The following FRMPD4 variants were observed in gnomAD, a reference collection of about 807,000 sequenced individuals.
FRMPD4 encodes FERM and PDZ domain containing 4, also known as FERM and PDZ domain-containing protein 4.
FRMPD4 carries 22 observed loss-of-function variants against 94.1 expected under a neutral mutation model. That is an observed-to-expected ratio of 0.23 (90% CI 0.17 to 0.33). The LOEUF (loss-of-function observed/expected upper bound fraction) is 0.33, where lower values mean the gene tolerates loss of function less well. FRMPD4 is among the 10% of genes least tolerant of loss of function. The pLI is 1.00. For synonymous variants in FRMPD4, 631 were observed against 548.6 expected (o/e 1.15, Z -2.10); for missense variants, 1,111 against 1,339.9 (o/e 0.83, Z 2.67).
chrX:12,148,673 G>A (rs1280931789), intron 1 of FRMPD4, among the ~76,000 whole-genome samples: 1 of 112,538 alleles, frequency 8.9e-6, no homozygotes, highest in Non-Finnish European at 1.9e-5. Flanking sequence ...TGCCATCTAG[G>A]ACTTTCATAG....
At chrX:12,540,459 A>G (rs776384670) in intron 2 of FRMPD4, among the ~76,000 whole-genome samples, 4 of 111,896 alleles carry the variant, frequency 3.6e-5, no homozygotes, top group Non-Finnish European at 3.8e-5. Flanking sequence ...GATAAAACAG[A>G]CTTTAAATCA....
intron 1 of FRMPD4, among the ~76,000 whole-genome samples, chrX:12,420,064 C>T (rs1038464203): frequency 6.3e-5 from 7 of 111,714 alleles, no homozygotes; most frequent in African/African-American, 2.3e-4. Flanking sequence ...CTGCCTATTC[C>T]ACCAGCACCT....
chrX:12,219,386 A>G (rs755056496), intron 1 of FRMPD4, among the ~76,000 whole-genome samples: 1 of 111,599 alleles, frequency 9.0e-6, no homozygotes, highest in Admixed American at 9.5e-5. Flanking sequence ...CAAAGAAAAG[A>G]TTATATAAAA....
At chrX:12,376,379 C>G (rs1250497849) in intron 1 of FRMPD4, among the ~76,000 whole-genome samples, 1 of 112,410 alleles carries the variant, frequency 8.9e-6, no homozygotes, top group Non-Finnish European at 1.9e-5. Flanking sequence ...GCATCTGTTT[C>G]TCCTTCCCTA....
intron 2 of FRMPD4, among the ~76,000 whole-genome samples, chrX:12,606,807 CCT>C (rs1321200670): frequency 9.0e-6 from 1 of 111,321 alleles, no homozygotes; most frequent in African/African-American, 3.3e-5. Context: ...CTTTCTGTCC[CCT>C]CTTTCATCTG....
intron 1 of FRMPD4, among the ~76,000 whole-genome samples, chrX:12,325,317 A>T (rs2055269420): frequency 8.9e-6 from 1 of 112,674 alleles, no homozygotes; most frequent in African/African-American, 3.2e-5. Flanking sequence ...CATTGAAGGG[A>T]ATGCTGACAA....
At chrX:12,115,005 C>T (rs1376665292) in intron 3 of FRMPD4, among the ~76,000 whole-genome samples, 7 of 111,790 alleles carry the variant, frequency 6.3e-5, no homozygotes, top group Admixed American at 1.9e-4. Context: ...ATCAGCAATA[C>T]AGCTAAAGCC....
At chrX:12,404,434 G>A (rs1429363794) in intron 1 of FRMPD4, among the ~76,000 whole-genome samples, 1 of 112,242 alleles carries the variant, frequency 8.9e-6, no homozygotes, top group African/African-American at 3.2e-5. Context: ...GTCATGTCTT[G>A]TAGAATATCT....
At chrX:12,067,162 G>A (rs750064081) in intron 3 of FRMPD4, among the ~76,000 whole-genome samples, 1 of 109,124 alleles carries the variant, frequency 9.2e-6, no homozygotes, top group Admixed American at 9.7e-5. Flanking sequence ...GAGCCACCAA[G>A]CCTGGCTAGC....
intron 3 of FRMPD4, among the ~76,000 whole-genome samples, chrX:12,056,927 T>G (rs2054857708): frequency 8.9e-6 from 1 of 112,185 alleles, no homozygotes; most frequent in Non-Finnish European, 1.9e-5. Context: ...TTACAAAATA[T>G]AGTCTGCTTT....
intron 3 of FRMPD4, among the ~76,000 whole-genome samples, chrX:11,980,858 GT>G (rs1260899682): frequency 2.1e-4 from 23 of 107,761 alleles, no homozygotes; most frequent in African/African-American, 3.0e-4. Flanking sequence ...TCCAGACATG[GT>G]TTTTTTTTTC....
intron 1 of FRMPD4, among the ~76,000 whole-genome samples, chrX:12,228,837 C>T (rs1362099354): frequency 9.0e-6 from 1 of 111,701 alleles, no homozygotes; most frequent in Admixed American, 9.5e-5. Context: ...TTTTCTTGGG[C>T]CCATGTGGAG....
At chrX:12,395,126 A>G (rs191377183) in intron 1 of FRMPD4, among the ~76,000 whole-genome samples, 107 of 112,202 alleles carry the variant, frequency 9.5e-4, no homozygotes, top group Admixed American at 2.4e-3. Flanking sequence ...AATAACAATT[A>G]TAGCCTCCAA....
chrX:12,222,671 C>T (rs898415826), intron 1 of FRMPD4, among the ~76,000 whole-genome samples: 2 of 112,197 alleles, frequency 1.8e-5, no homozygotes, highest in Non-Finnish European at 1.9e-5. Context: ...ACACCCAGAT[C>T]CAACCAACCA....
intron 1 of FRMPD4, among the ~76,000 whole-genome samples, chrX:12,199,190 A>T (rs1399471089): frequency 9.1e-6 from 1 of 110,337 alleles, no homozygotes; most frequent in African/African-American, 3.3e-5. Context: ...TTTCACTAAC[A>T]TTTCTTTATT....
chrX:12,045,880 G>A (rs771859940), intron 3 of FRMPD4, among the ~76,000 whole-genome samples: 13 of 111,506 alleles, frequency 1.2e-4, no homozygotes, highest in African/African-American at 3.9e-4. Context: ...TCAGTGACAC[G>A]TAAAACAGAT....
intron 1 of FRMPD4, among the ~76,000 whole-genome samples, chrX:12,210,292 G>A (rs2056739910): frequency 8.9e-6 from 1 of 111,904 alleles, no homozygotes; most frequent in African/African-American, 3.2e-5. Flanking sequence ...CTAGTAGTCA[G>A]TACAAAGGGG....
intron 1 of FRMPD4, among the ~76,000 whole-genome samples, chrX:12,389,253 C>A (rs2056443071): frequency 9.1e-6 from 1 of 109,977 alleles, no homozygotes; most frequent in Non-Finnish European, 1.9e-5. Context: ...GTGGGCGGAT[C>A]ACCTCAGGTC....
intron 3 of FRMPD4, among the ~76,000 whole-genome samples, chrX:12,029,745 G>A (rs968883199): frequency 3.6e-5 from 4 of 111,463 alleles, no homozygotes; most frequent in African/African-American, 9.8e-5. Flanking sequence ...CCAATATCCC[G>A]TTTGATTAAA....
Sources: gnomAD v4.1 joint callset for allele counts (sites outside exome capture counted in the v4.1 genomes callset) on GRCh38, gnomAD v4.1.1 for gene constraint, MANE v1.5 for transcripts, NCBI Gene and HGNC (gene_info 2026-07-23, HGNC 2026-07-21) for gene names.